FOXN2: variants seen among roughly 807,000 people sequenced by gnomAD.
The protein encoded by FOXN2 is forkhead box N2.
In FOXN2, 19 loss-of-function variants were observed where a neutral mutation model predicts 41.2. The ratio of observed to expected loss-of-function variants is 0.46; its 90% CI spans 0.32 to 0.68. The LOEUF (loss-of-function observed/expected upper bound fraction) is 0.68, where lower values mean the gene tolerates loss of function less well. Among genes scored for constraint, FOXN2 ranks in the 30% least tolerant of loss-of-function variants. The probability of loss-of-function intolerance (pLI) is 0.03; values close to 1 mark genes in which losing one functional copy is unlikely to be tolerated. For missense variants in FOXN2, 587 were observed against 509.4 expected (o/e 1.15, Z -1.47); for synonymous variants, 195 against 176.8 (o/e 1.10, Z -0.82).
At chr2:48,318,029 A>G (rs62138808) in intron 1 of FOXN2, among the ~76,000 whole-genome samples, 36,902 of 152,070 alleles carry the variant, frequency 0.24, 4,742 homozygotes, top group South Asian at 0.39. Flanking sequence ...ATTTTGATCC[A>G]TATATACTTT....
At chr2:48,329,609 A>G in intron 2 of FOXN2, among the ~76,000 whole-genome samples, 1 of 152,180 alleles carries the variant, frequency 6.6e-6, no homozygotes, top group East Asian at 1.9e-4. Flanking sequence ...AGGCAGTTTT[A>G]TCCCTAAGAG....
rs983005090 is a variant in FOXN2, at chr2:48,362,660, A to T, written c.656A>T (p.His219Leu). 1.2e-6 allele frequency: 2 copies of T among 1,613,846 alleles called. No individual in the cohort carries two copies. The highest frequency in any genetic ancestry group is 8.5e-7 in the Non-Finnish European group (1 of 1,179,896). ...ASSQNGSLSPHYLSSVIKQNQ... is the reference protein window; with the variant it reads ...ASSQNGSLSPLYLSSVIKQNQ... ...TTTTTCAGTGGTTCTTTATCACCTC[A>T]CTATTTAAGCTCTGTAATCAAGCAG... Residue 219 changes from histidine to leucine, a missense_variant, in exon 5 of 7, where the codon CAC becomes CTC. Transcript: ENST00000340553.
chr2:48,353,531 T>G (rs1671588224), intron 3 of FOXN2, among the ~76,000 whole-genome samples: 1 of 149,534 alleles, frequency 6.7e-6, no homozygotes, highest in East Asian at 2.0e-4. Context: ...GTCAAGGCCT[T>G]AGTAGAATAG....
chr2:48,376,721 A>T lies in FOXN2; in HGVS notation c.*1278A>T, dbSNP rs190729513. 3.9e-5 allele frequency: 6 copies of T among 152,552 alleles called. No homozygotes were observed. Among genetic ancestry groups the T allele is most frequent in the Admixed American group, 3.9e-4 (6 of 15,284 alleles). The allele number at this position is 152,552 out of a possible 1,614,324, so 9.4% of individuals were successfully genotyped here. ...CAGTTTTTCATAGTATCATTTGTATAATTTGATTAGATTATTCAGAAACAA... is the reference window on the plus strand; with the variant it reads ...CAGTTTTTCATAGTATCATTTGTATTATTTGATTAGATTATTCAGAAACAA... On this transcript the variant is annotated 3_prime_UTR_variant, in exon 7 of 7. Coordinates refer to ENST00000340553, the MANE Select transcript of FOXN2 (RefSeq NM_002158.4).
intron 5 of FOXN2, among the ~76,000 whole-genome samples, chr2:48,363,730 T>C (rs1289660591): frequency 6.6e-6 from 1 of 152,240 alleles, no homozygotes; most frequent in South Asian, 2.1e-4. Flanking sequence ...ATACCATTTG[T>C]GATACAATTA....
chr2:48,326,667 A>G (rs1035359406), intron 1 of FOXN2, among the ~76,000 whole-genome samples: 1 of 152,204 alleles, frequency 6.6e-6, no homozygotes, highest in Non-Finnish European at 1.5e-5. Flanking sequence ...CTGAGTGCCA[A>G]CATGCCACAA....
At chr2:48,365,353 G>A (rs985797883) in intron 5 of FOXN2, among the ~76,000 whole-genome samples, 1 of 152,122 alleles carries the variant, frequency 6.6e-6, no homozygotes, top group African/African-American at 2.4e-5. Flanking sequence ...AGTCAAATGT[G>A]GTTTCTCTTT....
chr2:48,340,611 A>G (rs1193460488), intron 2 of FOXN2: 3 of 152,088 alleles, frequency 2.0e-5, no homozygotes, highest in Non-Finnish European at 2.9e-5. Flanking sequence ...TTCCAGAGTG[A>G]TTGTACTGGG....
At chr2:48,368,080 G>A (rs1186808099) in intron 5 of FOXN2, among the ~76,000 whole-genome samples, 2 of 152,142 alleles carry the variant, frequency 1.3e-5, no homozygotes, top group African/African-American at 4.8e-5. Context: ...GACCTCAAGT[G>A]ATCCACCCAC....
At chr2:48,327,894 A>T (rs561492917) in intron 1 of FOXN2, among the ~76,000 whole-genome samples, 1 of 152,360 alleles carries the variant, frequency 6.6e-6, no homozygotes, top group East Asian at 1.9e-4. Flanking sequence ...AGAATTACAT[A>T]TAAAATCAAT....
At chr2:48,358,133 A>G (rs988971387) in intron 3 of FOXN2, among the ~76,000 whole-genome samples, 3 of 150,486 alleles carry the variant, frequency 2.0e-5, no homozygotes, top group African/African-American at 7.3e-5. Flanking sequence ...TTACCACCTA[A>G]CTTTTGCCTT....
Position 48,340,922 on chromosome 2 carries a change from A to G in FOXN2, c.-14-5279A>G, listed in dbSNP as rs138300812. On this transcript the variant is annotated intron_variant, in intron 2 of 6. Coordinates refer to ENST00000340553, the MANE Select transcript of FOXN2 (RefSeq NM_002158.4). ...CCTTAACACAAATGTGTACTTTGCT[A>G]AAGTGTATAGTACATTTATCTACTT... The G allele has an allele frequency of 5.9e-5, 9 of 152,310 alleles. No individual in the cohort carries two copies. In the East Asian group the frequency reaches 1.7e-3, roughly 29 times the overall value. 9.4% of individuals were successfully genotyped at this position (152,310 alleles called of 1,614,324 possible). A position where few individuals can be genotyped will look rare whatever the true frequency, so the allele number is the denominator to read the frequency against.
chr2:48,358,272 T>G (rs963264518), intron 3 of FOXN2, among the ~76,000 whole-genome samples: 1 of 152,178 alleles, frequency 6.6e-6, no homozygotes, highest in Non-Finnish European at 1.5e-5. Context: ...GTACGTCAGT[T>G]TCAGAATGGC....
chr2:48,343,763 A>G lies in FOXN2; in HGVS notation c.-14-2438A>G, dbSNP rs1380362093. ...GACGGAGTGAGACCCTGTCTCTTTA[A>G]AAAAAAAAAAAGACTCTTGCCTCCT... On this transcript the variant is annotated intron_variant, in intron 2 of 6. Coordinates refer to ENST00000340553, the MANE Select transcript of FOXN2 (RefSeq NM_002158.4). Among the ~76,000 whole-genome samples, 9 of 147,462 alleles carry G rather than the reference A, an allele frequency of 6.1e-5. No individual in the cohort carries two copies. In the Admixed American group the frequency reaches 6.1e-4, roughly 10 times the overall value.
intron 3 of FOXN2, among the ~76,000 whole-genome samples, chr2:48,353,775 C>T (rs1304207577): frequency 6.6e-6 from 1 of 151,852 alleles, no homozygotes; most frequent in African/African-American, 2.4e-5. Context: ...CCTTCCTTCT[C>T]TTTGCCTTCT....
intron 5 of FOXN2, among the ~76,000 whole-genome samples, chr2:48,367,530 G>C (rs929622675): frequency 6.6e-6 from 1 of 152,166 alleles, no homozygotes; most frequent in African/African-American, 2.4e-5. Flanking sequence ...TTCTACTTCA[G>C]AGAATTACAA....
chr2:48,375,326 T>C lies in FOXN2; in HGVS notation c.1179T>C (p.Ile393=), dbSNP rs755030343. 1.7e-5 allele frequency: 28 copies of C among 1,613,746 alleles called. No homozygotes were observed. Among genetic ancestry groups the C allele is most frequent in the Non-Finnish European group, 2.4e-5 (28 of 1,179,908 alleles). ...KKMRKQTCQE[I]DEELKEAAGS... The stretch of plus-strand genomic sequence containing the variant: ...TGCGAAAACAGACATGTCAAGAAAT[T>C]GATGAGGAGCTCAAAGAGGCAGCTG... Residue 393 remains isoleucine, a synonymous_variant, in exon 7 of 7, where the codon ATT becomes ATC. Transcript: ENST00000340553.
At position 48,328,586 on chromosome 2, in the gene FOXN2, C is replaced by A. The variant is rs1669832929; in HGVS notation, c.-131C>A. 6.6e-6 allele frequency: 1 copy of A among 152,178 alleles called. No individual in the cohort carries two copies. Among genetic ancestry groups the A allele is most frequent in the South Asian group, 2.1e-4 (1 of 4,836 alleles). The allele number at this position is 152,178 out of a possible 1,614,324, so 9.4% of individuals were successfully genotyped here. ...TTGGTTGAAGCCATGGATAACAGAA[C>A]CCACAGATGCAGAGGGCTGACTGTA... On this transcript the variant is annotated 5_prime_UTR_variant, in exon 2 of 7. Coordinates refer to ENST00000340553, the MANE Select transcript of FOXN2 (RefSeq NM_002158.4).
intron 5 of FOXN2, among the ~76,000 whole-genome samples, chr2:48,370,806 A>G (rs771114110): frequency 5.3e-5 from 8 of 152,014 alleles, no homozygotes; most frequent in Non-Finnish European, 1.0e-4. Context: ...AGTTTGATAT[A>G]ATTACGTTTA....
Sources: allele counts gnomAD v4.1 joint callset (sites outside exome capture counted in the v4.1 genomes callset), GRCh38; gene constraint gnomAD v4.1.1; transcripts MANE v1.5; gene names NCBI Gene and HGNC (gene_info 2026-07-23, HGNC 2026-07-21).